The following ZNF469 variants were observed in gnomAD, a reference collection of about 807,000 sequenced individuals.
ZNF469 encodes the protein zinc finger protein 469.
A neutral mutation model predicts 1.0 loss-of-function variants in ZNF469; 1 was observed. The ratio of observed to expected loss-of-function variants is 1.00; its 90% confidence interval spans 0.35 to 4.73. The LOEUF is 4.73. ZNF469 is among the 30% of genes most tolerant of loss of function. The pLI is 0.16. For synonymous variants in ZNF469, 2,703 were observed against 2,363.4 expected, an observed-to-expected ratio of 1.14 and a Z score of -4.17; for missense variants, 6,100 against 5,356.3, an observed-to-expected ratio of 1.14 and a Z score of -4.33.
At chr16:88,151,393 G>A in the ZNF469 span, among the ~76,000 whole-genome samples, 2 of 152,248 alleles carry the variant, frequency 1.3e-5, no homozygotes, top group African/African-American at 2.4e-5. The surrounding 1 kb of genome is among the most constrained non-coding windows in gnomAD (Gnocchi z 5.4). Context: ...GGGCGGCTGC[G>A]TGTCAGAGAA....
At chr16:88,224,692 T>C in the ZNF469 span, among the ~76,000 whole-genome samples, 1 of 152,092 alleles carries the variant, frequency 6.6e-6, no homozygotes, top group Non-Finnish European at 1.5e-5. Context: ...GCTCTGCCCG[T>C]GTGTCTCTGT....
intron 2 of ZNF469, among the ~76,000 whole-genome samples, chr16:88,425,620 C>G (rs1403998177): frequency 6.6e-6 from 1 of 152,244 alleles, no homozygotes; most frequent in African/African-American, 2.4e-5. Context: ...CACAGATCAC[C>G]TCTGAGCCAC....
the ZNF469 span, among the ~76,000 whole-genome samples, chr16:88,209,332 C>A: frequency 6.6e-6 from 1 of 151,600 alleles, no homozygotes; most frequent in Non-Finnish European, 1.5e-5. Context: ...GCTCTGTTGC[C>A]CAGGCTGGAG....
At chr16:88,413,037 G>A (rs571335358) in intron 1 of ZNF469, among the ~76,000 whole-genome samples, 20 of 151,886 alleles carry the variant, frequency 1.3e-4, no homozygotes, top group African/African-American at 2.4e-4. Flanking sequence ...GCACCACGGC[G>A]ACACCAGACC....
the ZNF469 span, among the ~76,000 whole-genome samples, chr16:88,176,101 G>T: frequency 6.6e-6 from 1 of 151,498 alleles, no homozygotes; most frequent in Non-Finnish European, 1.5e-5. Flanking sequence ...CTCCCAGAGG[G>T]CTGGGGGGTC....
chr16:88,248,752 C>T, the ZNF469 span, among the ~76,000 whole-genome samples: 7 of 152,292 alleles, frequency 4.6e-5, no homozygotes, highest in East Asian at 1.9e-4. Flanking sequence ...GATGACGAGA[C>T]GGGTACAGGG....
chr16:88,158,974 C>T, the ZNF469 span, among the ~76,000 whole-genome samples: 1 of 152,160 alleles, frequency 6.6e-6, no homozygotes, highest in Non-Finnish European at 1.5e-5. Flanking sequence ...ACGTGCTGGT[C>T]CAGTGGGGCT....
At chr16:88,413,804 AG>A (rs1398986731) in intron 1 of ZNF469, among the ~76,000 whole-genome samples, 1 of 152,190 alleles carries the variant, frequency 6.6e-6, no homozygotes, top group African/African-American at 2.4e-5. Flanking sequence ...AGTGCCACAG[AG>A]GCCTCTGCAG....
At chr16:88,382,817 G>A (rs1337369406), upstream of ZNF469, among the ~76,000 whole-genome samples, 2 of 152,176 alleles carry the variant, frequency 1.3e-5, no homozygotes, top group Non-Finnish European at 2.9e-5. Context: ...AGGGGGTTCA[G>A]GGAGCAATGC....
At chr16:88,228,784 A>C in the ZNF469 span, among the ~76,000 whole-genome samples, 2 of 152,210 alleles carry the variant, frequency 1.3e-5, no homozygotes, top group Non-Finnish European at 2.9e-5. Flanking sequence ...AACAATTTTC[A>C]TACAACTCCT....
At chr16:88,188,626 C>G in the ZNF469 span, among the ~76,000 whole-genome samples, 3 of 152,202 alleles carry the variant, frequency 2.0e-5, no homozygotes, top group African/African-American at 7.2e-5. Context: ...GGCAGGAGGT[C>G]TGGGATGCCC....
the ZNF469 span, among the ~76,000 whole-genome samples, chr16:88,341,504 T>C: frequency 1.3e-5 from 2 of 152,180 alleles, no homozygotes; most frequent in African/African-American, 4.8e-5. Context: ...CCTCCCCAGC[T>C]CTCTGACGTA....
chr16:88,433,652 C>A lies in ZNF469; in HGVS notation c.6182C>A (p.Pro2061His). ...EAEPTPSPPSPNRESLALALT... is the reference protein window; with the variant it reads ...EAEPTPSPPSHNRESLALALT... Reference sequence around the variant, plus strand: ...GAGCCCACCCCAAGCCCCCCGTCCCCTAATAGGGAGTCCCTGGCGCTGGCC... The same window carrying A: ...GAGCCCACCCCAAGCCCCCCGTCCCATAATAGGGAGTCCCTGGCGCTGGCC... The change falls in exon 3 of 3, where the codon CCT becomes CAT. Residue 2061 changes from proline to histidine, a missense_variant. Coordinates refer to ENST00000565624, the MANE Select transcript of ZNF469 (RefSeq NM_001367624.2). 6.5e-7 allele frequency: 1 copy of A among 1,550,240 alleles called. No individual in the cohort carries two copies. Among genetic ancestry groups the A allele is most frequent in the Non-Finnish European group, 8.7e-7 (1 of 1,146,920 alleles).
the ZNF469 span, among the ~76,000 whole-genome samples, chr16:88,368,069 C>T: frequency 3.2e-4 from 48 of 152,346 alleles, no homozygotes; most frequent in Admixed American, 1.2e-3. Flanking sequence ...GACTTGCCTT[C>T]GCATAATAGC....
chr16:88,198,633 G>C, the ZNF469 span, among the ~76,000 whole-genome samples: 1 of 152,204 alleles, frequency 6.6e-6, no homozygotes, highest in Admixed American at 6.5e-5. Flanking sequence ...GCAGGTGAGT[G>C]CTGGAGTGTG....
the ZNF469 span, among the ~76,000 whole-genome samples, chr16:88,115,049 C>A: frequency 3.3e-4 from 50 of 152,330 alleles, no homozygotes; most frequent in African/African-American, 1.1e-3. Flanking sequence ...GGTCGCAGGG[C>A]AGTGAACGGT....
chr16:88,188,288 G>A, the ZNF469 span, among the ~76,000 whole-genome samples: 4 of 151,828 alleles, frequency 2.6e-5, no homozygotes, highest in Non-Finnish European at 4.4e-5. Flanking sequence ...CTGAGCACCC[G>A]TGTAACTGTG....
the ZNF469 span, among the ~76,000 whole-genome samples, chr16:88,296,638 G>A: frequency 7.3e-5 from 11 of 150,882 alleles, no homozygotes; most frequent in African/African-American, 2.0e-4. Flanking sequence ...ACTCACATAC[G>A]CATACACACA....
intron 2 of ZNF469, among the ~76,000 whole-genome samples, chr16:88,426,254 C>A (rs754542740): frequency 2.8e-4 from 43 of 152,226 alleles, no homozygotes; most frequent in Non-Finnish European, 4.6e-4. Context: ...CCAAGTCATC[C>A]GCCTCTCTGG....
Sources: allele counts gnomAD v4.1 joint callset (sites outside exome capture counted in the v4.1 genomes callset), GRCh38; gene constraint gnomAD v4.1.1; non-coding constraint Gnocchi (gnomAD v3.1); transcripts MANE v1.5; gene names NCBI Gene and HGNC (gene_info 2026-07-23, HGNC 2026-07-21).